The following MAMDC2 variants were observed in gnomAD, a reference collection of about 807,000 sequenced individuals.
MAMDC2 encodes MAM domain-containing protein 2.
Under a neutral mutation model 89.8 loss-of-function variants are expected in MAMDC2, and 57 were observed. The ratio of observed to expected loss-of-function variants is 0.63; its 90% CI spans 0.51 to 0.79. The LOEUF (loss-of-function observed/expected upper bound fraction) is 0.79. MAMDC2 is among the 30% of genes least tolerant of loss of function. The pLI, the probability that MAMDC2 is intolerant of heterozygous loss-of-function variation, is 0.00. For missense variants in MAMDC2, 800 were observed against 820.6 expected (o/e 0.97, Z 0.31); for synonymous variants, 313 against 293.4 (o/e 1.07, Z -0.68).
intron 11 of MAMDC2, chr9:70,188,762 A>ATGTTTTTTTT (rs2032815309): frequency 1.1e-5 from 1 of 95,148 alleles, no homozygotes; most frequent in African/African-American, 4.3e-5. Context: ...AAAACAATTG[A>ATGTTTTTTTT]TTTTTTTTTT....
At chr9:70,099,740 C>T (rs535095285) in intron 2 of MAMDC2, among the ~76,000 whole-genome samples, 8 of 152,084 alleles carry the variant, frequency 5.3e-5, no homozygotes, top group South Asian at 4.2e-4. Flanking sequence ...TTTGGGAGGC[C>T]GAGGCGGGTG....
intron 2 of MAMDC2, among the ~76,000 whole-genome samples, chr9:70,092,039 G>A (rs776180364): frequency 1.3e-5 from 2 of 152,164 alleles, no homozygotes; most frequent in Non-Finnish European, 1.5e-5. Context: ...GTAAATGACT[G>A]GCAGGGTAGA....
At chr9:70,222,838 C>T (rs1186866540) in intron 12 of MAMDC2, among the ~76,000 whole-genome samples, 4 of 152,094 alleles carry the variant, frequency 2.6e-5, no homozygotes, top group Admixed American at 2.0e-4. Context: ...GCACTGCATA[C>T]TCAGCTAAGA....
chr9:70,056,651 T>C (rs186250832), intron 2 of MAMDC2, among the ~76,000 whole-genome samples: 5 of 152,172 alleles, frequency 3.3e-5, no homozygotes, highest in African/African-American at 7.2e-5. Context: ...CTAGGACTTA[T>C]AGTACTTGCT....
chr9:70,150,453 C>A (rs2031547481), intron 9 of MAMDC2, among the ~76,000 whole-genome samples: 1 of 152,082 alleles, frequency 6.6e-6, no homozygotes, highest in African/African-American at 2.4e-5. Flanking sequence ...ATGACTGAGT[C>A]CTGAAATGAA....
rs756755522 is a variant in MAMDC2 at position 70,143,506 on chromosome 9, CTAGAT to C, written c.1139-40_1139-36del. 2.5e-6 allele frequency: 4 copies of C among 1,596,650 alleles called. No individual in the cohort carries two copies. In the South Asian group the frequency reaches 4.4e-5, roughly 18 times the overall value. ...TAATCATATTTTACCACTTGCTAATCTAGATTAGATTATTTTGCATTGCTGATATG... is the reference window on the plus strand; with the variant it reads ...TAATCATATTTTACCACTTGCTAATCTAGATTATTTTGCATTGCTGATATG... On this transcript the variant is annotated intron_variant, in intron 8 of 13. Transcript: ENST00000377182.
At chr9:70,055,877 A>C (rs1238259746) in intron 2 of MAMDC2, among the ~76,000 whole-genome samples, 1 of 152,186 alleles carries the variant, frequency 6.6e-6, no homozygotes, top group African/African-American at 2.4e-5. Context: ...CTACTGTGAA[A>C]GAATTAAAAG....
At chr9:70,198,765 A>C (rs2871297) in intron 11 of MAMDC2, among the ~76,000 whole-genome samples, 140,051 of 152,178 alleles carry the variant, frequency 0.92, 64,531 homozygotes, top group East Asian at 0.98. Context: ...AGGTAGAAGT[A>C]TTCTTCATTT....
chr9:70,161,938 A>G (rs2031989204), intron 9 of MAMDC2, among the ~76,000 whole-genome samples: 1 of 152,226 alleles, frequency 6.6e-6, no homozygotes, highest in South Asian at 2.1e-4. Context: ...TCAAAATCAA[A>G]CCGTCTGGGA....
rs552535742 is a variant in MAMDC2, at chr9:70,146,954, C to T, written c.1404+3135C>T. Among the ~76,000 whole-genome samples the T allele has an allele frequency of 3.0e-5, 4 of 135,450 alleles. No individual in the cohort carries two copies. In the East Asian group the frequency reaches 8.5e-4, roughly 29 times the overall value. 88.9% of individuals were successfully genotyped at this position (135,450 alleles called of 152,430 possible). On this transcript the variant is annotated intron_variant, in intron 9 of 13. Coordinates refer to ENST00000377182, the MANE Select transcript of MAMDC2 (RefSeq NM_153267.5). Reference sequence around the variant, plus strand: ...CATCTAAAAATAAATAAATAAACATCAAGACTAACTGCCTCATTTGGTTGG... The same window carrying T: ...CATCTAAAAATAAATAAATAAACATTAAGACTAACTGCCTCATTTGGTTGG...
chr9:70,197,895 A>G (rs1332265992), intron 11 of MAMDC2, among the ~76,000 whole-genome samples: 1 of 152,074 alleles, frequency 6.6e-6, no homozygotes, highest in Non-Finnish European at 1.5e-5. Context: ...GCCTAACGCT[A>G]CTTTACAATG....
At chr9:70,155,843 C>T (rs1025608352) in intron 9 of MAMDC2, among the ~76,000 whole-genome samples, 1 of 152,154 alleles carries the variant, frequency 6.6e-6, no homozygotes, top group Non-Finnish European at 1.5e-5. Context: ...CAGGAAAGTC[C>T]TATGCTTCTC....
intron 11 of MAMDC2, among the ~76,000 whole-genome samples, chr9:70,181,012 CTTGAG>C (rs1450892769): frequency 6.6e-6 from 1 of 152,154 alleles, no homozygotes; most frequent in Non-Finnish European, 1.5e-5. Flanking sequence ...TTTAATCCAA[CTTGAG>C]TTAATTTTGT....
intron 9 of MAMDC2, among the ~76,000 whole-genome samples, chr9:70,163,799 C>T (rs1290000933): frequency 2.0e-5 from 3 of 151,152 alleles, no homozygotes; most frequent in Non-Finnish European, 4.4e-5. Context: ...ACAAAAAATA[C>T]AAAAATTAGC....
At chr9:70,138,421 C>A (rs1190281398) in intron 7 of MAMDC2, among the ~76,000 whole-genome samples, 1 of 152,106 alleles carries the variant, frequency 6.6e-6, no homozygotes, top group Admixed American at 6.6e-5. Context: ...GACTAGATAC[C>A]CAGTAATGGG....
At chr9:70,199,913 G>C (rs980115669) in intron 11 of MAMDC2, among the ~76,000 whole-genome samples, 1 of 151,970 alleles carries the variant, frequency 6.6e-6, no homozygotes, top group African/African-American at 2.4e-5. Context: ...TTCTTTTCTT[G>C]TAAATTTGTT....
chr9:70,168,972 A>G (rs2032250723), intron 10 of MAMDC2, among the ~76,000 whole-genome samples, 177 bp downstream of exon 10: 1 of 152,204 alleles, frequency 6.6e-6, no homozygotes, highest in South Asian at 2.1e-4. Context: ...TTCCAGTGTA[A>G]TATGTGTCTT....
intron 11 of MAMDC2, among the ~76,000 whole-genome samples, chr9:70,184,410 G>C (rs935607016): frequency 2.6e-5 from 4 of 152,030 alleles, no homozygotes; most frequent in Non-Finnish European, 5.9e-5. Flanking sequence ...TGTATTTCCT[G>C]AATTTGAATG....
At chr9:70,058,821 C>T (rs1296194666) in intron 2 of MAMDC2, among the ~76,000 whole-genome samples, 2 of 152,140 alleles carry the variant, frequency 1.3e-5, no homozygotes, top group South Asian at 2.1e-4. Context: ...GAATTGAATT[C>T]GTATTTGAGG....
Sources: allele counts gnomAD v4.1 joint callset (sites outside exome capture counted in the v4.1 genomes callset), GRCh38; gene constraint gnomAD v4.1.1; transcripts MANE v1.5; gene names NCBI Gene and HGNC (gene_info 2026-07-23, HGNC 2026-07-21).